Variants in ETV2 observed in about 807,000 individuals in gnomAD.
The protein encoded by ETV2 is ETS variant transcription factor 2.
A neutral mutation model predicts 35.7 loss-of-function variants in ETV2; 34 were observed. The ratio of observed to expected loss-of-function variants is 0.95; its 90% CI spans 0.72 to 1.27. The LOEUF (loss-of-function observed/expected upper bound fraction) is 1.27. Among genes scored for constraint, ETV2 ranks in the 50% most tolerant of loss-of-function variants. ETV2 has a pLI of 0.00. For missense variants in ETV2, 512 were observed against 470.5 expected, an observed-to-expected ratio of 1.09 and a Z score of -0.82; for synonymous variants, 207 against 203.9, an observed-to-expected ratio of 1.02 and a Z score of -0.13.
rs1330747082 is a variant in ETV2, at chr19:35,644,349, T to C, written c.828+2T>C. ...TTCCAGCTGTGCGACCCCAAAGAGG[T>C]GGGGCAGCTCCCCTGCCCAGCCAAA... On this transcript the variant is annotated splice_donor_variant, in intron 6 of 6. Coordinates refer to ENST00000402764, the MANE Select transcript of ETV2 (RefSeq NM_014209.4). LOFTEE classifies it high-confidence loss of function. The surrounding 1 kb of genome is among the most constrained non-coding windows in gnomAD (Gnocchi z 4.7). The C allele has an allele frequency of 6.6e-7, 1 of 1,526,458 alleles. No individual in the cohort carries two copies. 94.6% of individuals were successfully genotyped at this position (1,526,458 alleles called of 1,614,324 possible).
At position 35,643,809 on chromosome 19, in the gene ETV2, C is replaced by T; in HGVS notation, c.715+56C>T. 6.2e-7 allele frequency: 1 copy of T among 1,607,376 alleles called. No individual in the cohort carries two copies. Among genetic ancestry groups the T allele is most frequent in the East Asian group, 2.2e-5 (1 of 44,800 alleles). ...CGAAGCTGGAGTCCTGAGCCGGGAC[C>T]CAGGCACCTAAGGGGGCGGGGCCCG... On this transcript the variant is annotated intron_variant, in intron 5 of 6. Coordinates refer to ENST00000402764, the MANE Select transcript of ETV2 (RefSeq NM_014209.4). The surrounding 1 kb of genome is among the most constrained non-coding windows in gnomAD (Gnocchi z 5.0).
At position 35,643,399 on chromosome 19, in the gene ETV2, G is replaced by A. The variant is rs1365080861; in HGVS notation, c.361G>A (p.Ala121Thr). The change falls in exon 5 of 7, where the codon GCC (alanine) becomes ACC (threonine). Residue 121 changes from alanine (A) to threonine (T), a missense_variant. By Grantham distance (58) the Ala-to-Thr change is moderately conservative. Transcript: ENST00000402764. The surrounding 1 kb of genome is among the most constrained non-coding windows in gnomAD (Gnocchi z 5.0). ...PAPLGPGPIP[A>T]AGSEGAAGQN... is the part of the protein sequence containing the mutation. ...CCCTCTCGGCCCGGGCCCCATCCCCGCCGCCGGCTCCGAAGGCGCCGCGGG... is the reference window on the plus strand; with the variant it reads ...CCCTCTCGGCCCGGGCCCCATCCCCACCGCCGGCTCCGAAGGCGCCGCGGG... 4 of 1,546,700 alleles carry A rather than the reference G, an allele frequency of 2.6e-6. No homozygotes were observed. In the South Asian group the frequency reaches 4.8e-5, roughly 18 times the overall value.
chr19:35,642,172 A>G lies in ETV2; in HGVS notation c.-28+16A>G. The G allele has an allele frequency of 3.5e-6, 1 of 286,768 alleles. No individual in the cohort carries two copies. 17.8% of individuals were successfully genotyped at this position (286,768 alleles called of 1,614,324 possible). On this transcript the variant is annotated intron_variant, in intron 1 of 6. Coordinates refer to ENST00000402764, the MANE Select transcript of ETV2 (RefSeq NM_014209.4). This position sits in a 1 kb window ranked among gnomAD's most constrained non-coding sequence, Gnocchi z 4.4. The stretch of plus-strand genomic sequence containing the variant: ...CCCGCCAGAGGTGAGCGATGAACTG[A>G]GGACTAGATGCCTGGGTGTCTGGGT...
chr19:35,642,655 C>CCAAG lies in ETV2; in HGVS notation c.112_115dup (p.Gly39AlafsTer199). The CCAAG allele has an allele frequency of 6.2e-7, 1 of 1,606,480 alleles. No individual in the cohort carries two copies. On this transcript the variant is annotated frameshift_variant, in exon 3 of 7. Coordinates refer to ENST00000402764, the MANE Select transcript of ETV2 (RefSeq NM_014209.4). LOFTEE classifies it high-confidence loss of function. This position sits in a 1 kb window ranked among gnomAD's most constrained non-coding sequence, Gnocchi z 4.4. ...GCTTCTGTTTCCCTGATCTGGCACTCCAAGGGGACACGCCGACAGCGACAG... is the reference window on the plus strand; with the variant it reads ...GCTTCTGTTTCCCTGATCTGGCACTCCAAGCAAGGGGACACGCCGACAGCGACAG...
Position 35,643,326 on chromosome 19 carries a change from C to A in ETV2, c.288C>A (p.Cys96Ter). The change falls in exon 5 of 7, where the codon TGC becomes TGA. Residue 96 changes from cysteine (C) to a stop codon, truncating the protein, a stop_gained. Transcript: ENST00000402764. LOFTEE classifies it high-confidence loss of function. This position sits in a 1 kb window ranked among gnomAD's most constrained non-coding sequence, Gnocchi z 5.0. The part of the protein sequence containing the change: ...PWSGDWTDMA[C>*]TAWDSWSGAS... ...CCGGGGACTGGACAGACATGGCGTG[C>A]ACAGCCTGGGACTCTTGGAGCGGCG... 6.2e-7 allele frequency: 1 copy of A among 1,601,222 alleles called. No homozygotes were observed. The highest frequency in any genetic ancestry group is 8.5e-7 in the Non-Finnish European group (1 of 1,175,546).
At position 35,642,601 on chromosome 19, in the gene ETV2, C is replaced by A. The variant is rs780796709; in HGVS notation, c.71-14C>A. On this transcript the variant is annotated splice_polypyrimidine_tract_variant and intron_variant, in intron 2 of 6. Coordinates refer to ENST00000402764, the MANE Select transcript of ETV2 (RefSeq NM_014209.4). This position sits in a 1 kb window ranked among gnomAD's most constrained non-coding sequence, Gnocchi z 4.4. ...GTGGGGCCTCTGCTGACCCTAACCC[C>A]TTATCGCCTGCAGAAGGAGCCAAAT... 6.2e-7 allele frequency: 1 copy of A among 1,611,688 alleles called. No homozygotes were observed. The highest frequency in any genetic ancestry group is 8.5e-7 in the Non-Finnish European group (1 of 1,178,972).
Position 35,642,480 on chromosome 19 carries a change from A to G in ETV2, c.20A>G (p.Asp7Gly). The G allele has an allele frequency of 6.2e-7, 1 of 1,606,498 alleles. No homozygotes were observed. Among genetic ancestry groups the G allele is most frequent in the Non-Finnish European group, 8.5e-7 (1 of 1,175,712 alleles). ...GCATCCATGGACCTGTGGAACTGGG[A>G]TGAGGCATCCCCACAGGAAGTGCCT... MDLWNW[D>G]EASPQEVPPG... The change falls in exon 2 of 7, where the codon GAT becomes GGT. Residue 7 changes from aspartate (D) to glycine (G), a missense_variant. By Grantham distance (94) the Asp-to-Gly change is moderately conservative. Coordinates refer to ENST00000402764, the MANE Select transcript of ETV2 (RefSeq NM_014209.4). This position sits in a 1 kb window ranked among gnomAD's most constrained non-coding sequence, Gnocchi z 4.4.
Position 35,643,122 on chromosome 19 carries a change from T to C in ETV2, c.235+77T>C. 1.5e-6 allele frequency: 2 copies of C among 1,376,996 alleles called. No homozygotes were observed. The highest frequency in any genetic ancestry group is 2.0e-6 in the Non-Finnish European group (2 of 1,003,810). 85.3% of individuals were successfully genotyped at this position (1,376,996 alleles called of 1,614,324 possible). ...GGGGCTAGAGGTGTAGACTCCCTGATCTTTGAGGACTGAGAACACCTGCGC... is the reference window on the plus strand; with the variant it reads ...GGGGCTAGAGGTGTAGACTCCCTGACCTTTGAGGACTGAGAACACCTGCGC... On this transcript the variant is annotated intron_variant, in intron 4 of 6. Coordinates refer to ENST00000402764, the MANE Select transcript of ETV2 (RefSeq NM_014209.4). The surrounding 1 kb of genome is among the most constrained non-coding windows in gnomAD (Gnocchi z 5.0).
rs1172294531 is a variant in ETV2 at position 35,643,118 on chromosome 19, C to A, written c.235+73C>A. The A allele has an allele frequency of 1.4e-6, 2 of 1,381,114 alleles. No individual in the cohort carries two copies. Among genetic ancestry groups the A allele is most frequent in the African/African-American group, 2.9e-5 (2 of 68,434 alleles). 85.6% of individuals were successfully genotyped at this position (1,381,114 alleles called of 1,614,324 possible). A position where few individuals can be genotyped will look rare whatever the true frequency, so the allele number is the denominator to read the frequency against. On this transcript the variant is annotated intron_variant, in intron 4 of 6. Transcript: ENST00000402764. This position sits in a 1 kb window ranked among gnomAD's most constrained non-coding sequence, Gnocchi z 5.0. ...CACCGGGGCTAGAGGTGTAGACTCCCTGATCTTTGAGGACTGAGAACACCT... is the reference window on the plus strand; with the variant it reads ...CACCGGGGCTAGAGGTGTAGACTCCATGATCTTTGAGGACTGAGAACACCT...
In ETV2 at chr19:35,643,085, TCCCGAGGC is replaced by T. The variant is rs1967650424; in HGVS notation, c.235+41_235+48del. ...AGGCGGTGGGAGGTGGGGACTGGGG[TCCCGAGGC>T]ACCGGGGCTAGAGGTGTAGACTCCC... is the stretch of plus-strand genomic sequence containing the variant. On this transcript the variant is annotated intron_variant, in intron 4 of 6. Coordinates refer to ENST00000402764, the MANE Select transcript of ETV2 (RefSeq NM_014209.4). This position sits in a 1 kb window ranked among gnomAD's most constrained non-coding sequence, Gnocchi z 5.0. 7.3e-7 allele frequency: 1 copy of T among 1,369,116 alleles called. No individual in the cohort carries two copies. The highest frequency in any genetic ancestry group is 1.5e-5 in the African/African-American group (1 of 68,902). 84.8% of individuals were successfully genotyped at this position (1,369,116 alleles called of 1,614,324 possible). A position where few individuals can be genotyped will look rare whatever the true frequency, so the allele number is the denominator to read the frequency against.
In ETV2 at chr19:35,643,012, G is replaced by A. The variant is rs376189173; in HGVS notation, c.202G>A (p.Ala68Thr). 1.9e-5 allele frequency: 30 copies of A among 1,574,126 alleles called. No individual in the cohort carries two copies. The highest frequency in any genetic ancestry group is 2.4e-5 in the Non-Finnish European group (28 of 1,158,894). Residue 68 changes from alanine to threonine, a missense_variant, in exon 4 of 7, where the codon GCG becomes ACG. Ala to Thr is a moderately conservative substitution (Grantham distance 58). Coordinates refer to ENST00000402764, the MANE Select transcript of ETV2 (RefSeq NM_014209.4). This position sits in a 1 kb window ranked among gnomAD's most constrained non-coding sequence, Gnocchi z 5.0. ...ASFPQLDWGS[A>T]LLHPEVPWGA... is the part of the protein sequence containing the mutation. ...CTTCCCACAGCTGGACTGGGGCTCC[G>A]CGTTACTGCACCCAGAAGTTCCATG...
Position 35,644,695 on chromosome 19 carries a change from A to G in ETV2, c.872A>G (p.Asn291Ser). The G allele has an allele frequency of 6.2e-7, 1 of 1,603,748 alleles. No homozygotes were observed. The highest frequency in any genetic ancestry group is 8.5e-7 in the Non-Finnish European group (1 of 1,174,392). Residue 291 changes from asparagine (N) to serine (S), a missense_variant, in exon 7 of 7, where the codon AAT becomes AGT. Transcript: ENST00000402764. The surrounding 1 kb of genome is among the most constrained non-coding windows in gnomAD (Gnocchi z 4.7). ...WGERKRKPGMNYEKLSRGLRY... is the reference protein window; with the variant it reads ...WGERKRKPGMSYEKLSRGLRY... ...GAGCGCAAGAGAAAGCCGGGCATGA[A>G]TTACGAGAAGCTGAGCCGGGGCCTT...
rs776942757 is a variant in ETV2, at chr19:35,644,386, T to C, written c.828+39T>C. ...CCTGCCCAGCCAAATCCGCCCCGTC[T>C]CTTCTAGTTCAATTTAGCTCCGCCC... is the stretch of plus-strand genomic sequence containing the variant. On this transcript the variant is annotated intron_variant, in intron 6 of 6. Transcript: ENST00000402764. The surrounding 1 kb of genome is among the most constrained non-coding windows in gnomAD (Gnocchi z 4.7). 1.5e-6 allele frequency: 2 copies of C among 1,320,810 alleles called. No homozygotes were observed. The highest frequency in any genetic ancestry group is 2.1e-6 in the Non-Finnish European group (2 of 939,242). 81.8% of individuals were successfully genotyped at this position (1,320,810 alleles called of 1,614,324 possible). A position where few individuals can be genotyped will look rare whatever the true frequency, so the allele number is the denominator to read the frequency against.
Position 35,644,576 on chromosome 19 carries a change from GC to G in ETV2, c.829-71del. On this transcript the variant is annotated intron_variant, in intron 6 of 6. Coordinates refer to ENST00000402764, the MANE Select transcript of ETV2 (RefSeq NM_014209.4). The surrounding 1 kb of genome is among the most constrained non-coding windows in gnomAD (Gnocchi z 4.7). ...CTCGCCCAGGTCTGCACTGCACACC[GC>G]CCCCAGGCCCGGCCCTCCCCACTAT... The G allele has an allele frequency of 2.1e-6, 3 of 1,413,858 alleles. No homozygotes were observed. The highest frequency in any genetic ancestry group is 2.9e-6 in the Non-Finnish European group (3 of 1,047,554). 87.6% of individuals were successfully genotyped at this position (1,413,858 alleles called of 1,614,324 possible).
chr19:35,643,000 G>T lies in ETV2; in HGVS notation c.190G>T (p.Asp64Tyr). The part of the protein sequence containing the change: ...SSSLASFPQL[D>Y]WGSALLHPEV... Reference sequence around the variant, plus strand: ...ATCCCTGGCAAGCTTCCCACAGCTGGACTGGGGCTCCGCGTTACTGCACCC... The same window carrying T: ...ATCCCTGGCAAGCTTCCCACAGCTGTACTGGGGCTCCGCGTTACTGCACCC... Residue 64 changes from aspartate to tyrosine, a missense_variant, in exon 4 of 7, where the codon GAC becomes TAC. Physicochemically the swap from Asp to Tyr is radical, Grantham distance 160. Transcript: ENST00000402764. The surrounding 1 kb of genome is among the most constrained non-coding windows in gnomAD (Gnocchi z 4.4). The T allele has an allele frequency of 1.3e-6, 2 of 1,577,242 alleles. No individual in the cohort carries two copies. The highest frequency in any genetic ancestry group is 2.3e-5 in the South Asian group (2 of 86,190).
Position 35,642,856 on chromosome 19 carries a change from G to T in ETV2, c.155-109G>T. 1.0e-6 allele frequency: 1 copy of T among 968,990 alleles called. No homozygotes were observed. Among genetic ancestry groups the T allele is most frequent in the Non-Finnish European group, 1.6e-6 (1 of 621,430 alleles). The allele number at this position is 968,990 out of a possible 1,614,324, so 60.0% of individuals were successfully genotyped here. ...GGTGAAGGAAAAGGGGGCGCGGGGT[G>T]CTGAAATACGGGCTGGGGGGCCATA... is the stretch of plus-strand genomic sequence containing the variant. On this transcript the variant is annotated intron_variant, in intron 3 of 6. Transcript: ENST00000402764. The surrounding 1 kb of genome is among the most constrained non-coding windows in gnomAD (Gnocchi z 4.4).
At position 35,644,829 on chromosome 19, in the gene ETV2, G is replaced by A. The variant is rs1967725877; in HGVS notation, c.1006G>A (p.Gly336Arg). The change falls in exon 7 of 7, where the codon GGA (glycine) becomes AGA (arginine). Residue 336 changes from glycine (G) to arginine (R), a missense_variant. Transcript: ENST00000402764. This position sits in a 1 kb window ranked among gnomAD's most constrained non-coding sequence, Gnocchi z 4.7. ...AGCCTATCCGGACTGTGCGGGAGGC[G>A]GACGGGGAGCAGAGACACAATAAAA... ...SLAYPDCAGG[G>R]RGAETQ is the part of the protein sequence containing the mutation. 2 of 1,608,384 alleles carry A rather than the reference G, an allele frequency of 1.2e-6. No individual in the cohort carries two copies. Among genetic ancestry groups the A allele is most frequent in the Admixed American group, 1.7e-5 (1 of 59,006 alleles).
Position 35,644,449 on chromosome 19 carries a change from G to A in ETV2, c.828+102G>A. Reference sequence around the variant, plus strand: ...CAACCGCGTAGCCCTCGGCCCCGCCGCTCCCCGGCCCACTCGAGGCCCCGC... The same window carrying A: ...CAACCGCGTAGCCCTCGGCCCCGCCACTCCCCGGCCCACTCGAGGCCCCGC... On this transcript the variant is annotated intron_variant, in intron 6 of 6. Transcript: ENST00000402764. The surrounding 1 kb of genome is among the most constrained non-coding windows in gnomAD (Gnocchi z 4.7). 3.1e-6 allele frequency: 3 copies of A among 964,064 alleles called. No individual in the cohort carries two copies. Among genetic ancestry groups the A allele is most frequent in the Non-Finnish European group, 4.7e-6 (3 of 639,280 alleles). 59.7% of individuals were successfully genotyped at this position (964,064 alleles called of 1,614,324 possible).
rs768576953 is a variant in ETV2 at position 35,644,357 on chromosome 19, C to G, written c.828+10C>G. 1.4e-5 allele frequency: 21 copies of G among 1,464,760 alleles called. 1 individual carries two copies. The East Asian group carries it at 4.9e-4, about 34-fold the overall frequency. The allele number at this position is 1,464,760 out of a possible 1,614,324, so 90.7% of individuals were successfully genotyped here. A position where few individuals can be genotyped will look rare whatever the true frequency, so the allele number is the denominator to read the frequency against. On this transcript the variant is annotated intron_variant, in intron 6 of 6. Transcript: ENST00000402764. This position sits in a 1 kb window ranked among gnomAD's most constrained non-coding sequence, Gnocchi z 4.7. The stretch of plus-strand genomic sequence containing the variant: ...GTGCGACCCCAAAGAGGTGGGGCAG[C>G]TCCCCTGCCCAGCCAAATCCGCCCC...
Sources: gnomAD v4.1 joint callset for allele counts on GRCh38, gnomAD v4.1.1 for gene constraint, Gnocchi (gnomAD v3.1) non-coding constraint, MANE v1.5 for transcripts, NCBI Gene and HGNC (gene_info 2026-07-23, HGNC 2026-07-21) for gene names.